HOXD12: variants seen among roughly 807,000 people sequenced by gnomAD.
HOXD12 encodes homeobox D12.
In HOXD12, 21 loss-of-function variants were observed where a neutral mutation model predicts 20.2. The ratio of observed to expected loss-of-function variants is 1.04; its 90% confidence interval spans 0.74 to 1.50. HOXD12 has a LOEUF of 1.50. Among genes scored for constraint, HOXD12 ranks in the 40% most tolerant of loss-of-function variants. The pLI is 0.00. For missense variants in HOXD12, 472 were observed against 365.5 expected (o/e 1.29, Z -2.38); for synonymous variants, 196 against 168.8 (o/e 1.16, Z -1.25).
At position 176,100,349 on chromosome 2, in the gene HOXD12, C is replaced by G. The variant is rs548576948; in HGVS notation, c.548C>G (p.Ser183Cys). Residue 183 changes from serine (S) to cysteine (C), a missense_variant, in exon 1 of 2, where the codon TCT (serine) becomes TGT (cysteine). By Grantham distance (112) the Ser-to-Cys change is moderately radical (BLOSUM62 -1). Coordinates refer to ENST00000406506, the MANE Select transcript of HOXD12 (RefSeq NM_021193.4). ...ACAGTGCAGGCGGCGGGCGTTGCCT[C>G]TTGCCTGCGACCTTCACTGCCCGAC... ...NMTVQAAGVA[S>C]CLRPSLPDGL... 14 of 1,612,608 alleles carry G rather than the reference C, an allele frequency of 8.7e-6. No individual in the cohort carries two copies. Among genetic ancestry groups the G allele is most frequent in the African/African-American group, 1.3e-5 (1 of 75,072 alleles).
In HOXD12 at chr2:176,100,739, G is replaced by C; in HGVS notation, c.792G>C (p.Glu264Asp). 2 of 1,613,344 alleles carry C rather than the reference G, an allele frequency of 1.2e-6. No homozygotes were observed. The highest frequency in any genetic ancestry group is 1.7e-6 in the Non-Finnish European group (2 of 1,179,470). ...RMKKKRVVLR[E>D]QALALY ...AGAAGAAGCGCGTGGTGCTTCGGGA[G>C]CAGGCGCTGGCGCTCTACTAGCCGC... Residue 264 changes from glutamate to aspartate, a missense_variant, in exon 2 of 2, where the codon GAG becomes GAC. Physicochemically the swap from Glu to Asp is conservative, Grantham distance 45. Transcript: ENST00000406506.
Position 176,101,061 on chromosome 2 carries a change from A to T in HOXD12, c.*301A>T, listed in dbSNP as rs918119721. 6 of 485,300 alleles carry T rather than the reference A, an allele frequency of 1.2e-5. No homozygotes were observed. Among genetic ancestry groups the T allele is most frequent in the African/African-American group, 1.2e-4 (6 of 51,426 alleles). 30.1% of individuals were successfully genotyped at this position (485,300 alleles called of 1,614,324 possible). ...GCTGGGGCATTTGCACCCACCGCTC[A>T]TTCTTGCTCCCCGGTACCTGGATTT... On this transcript the variant is annotated 3_prime_UTR_variant, in exon 2 of 2. Coordinates refer to ENST00000406506, the MANE Select transcript of HOXD12 (RefSeq NM_021193.4).
rs1265105340 is a variant in HOXD12, at chr2:176,101,107, T to G, written c.*347T>G. 2.6e-6 allele frequency: 1 copy of G among 387,652 alleles called. No individual in the cohort carries two copies. Among genetic ancestry groups the G allele is most frequent in the Non-Finnish European group, 4.7e-6 (1 of 211,572 alleles). 24.0% of individuals were successfully genotyped at this position (387,652 alleles called of 1,614,324 possible). ...GATTTTTCTGTTTCCACCCAATTCG[T>G]TCTCCCTTTCCCCCTCTCTCCAGCC... is the stretch of plus-strand genomic sequence containing the variant. On this transcript the variant is annotated 3_prime_UTR_variant, in exon 2 of 2. Coordinates refer to ENST00000406506, the MANE Select transcript of HOXD12 (RefSeq NM_021193.4).
At position 176,100,148 on chromosome 2, in the gene HOXD12, G is replaced by C; in HGVS notation, c.347G>C (p.Arg116Pro). 1 of 1,611,506 alleles carries C rather than the reference G, an allele frequency of 6.2e-7. No individual in the cohort carries two copies. The highest frequency in any genetic ancestry group is 8.5e-7 in the Non-Finnish European group (1 of 1,179,642). Residue 116 changes from arginine to proline, a missense_variant, in exon 1 of 2, where the codon CGG (arginine) becomes CCG (proline). By Grantham distance (103) the Arg-to-Pro change is moderately radical (BLOSUM62 -2). Coordinates refer to ENST00000406506, the MANE Select transcript of HOXD12 (RefSeq NM_021193.4). ...GGGCCAGAGGAGCGCGGTCGTACCC[G>C]GCCGTCCTTCGCCCCCGAGTCTAGC... is the stretch of plus-strand genomic sequence containing the variant. ...AAGPEERGRT[R>P]PSFAPESSLA... is the part of the protein sequence containing the mutation.
At position 176,100,130 on chromosome 2, in the gene HOXD12, A is replaced by C. The variant is rs1390528586; in HGVS notation, c.329A>C (p.Glu110Ala). The C allele has an allele frequency of 4.3e-6, 7 of 1,610,618 alleles. No homozygotes were observed. The African/African-American group carries it at 9.3e-5, about 21-fold the overall frequency. ...GCGCCCGAAGCGGCCGCTGGGCCAG[A>C]GGAGCGCGGTCGTACCCGGCCGTCC... ...FYAPEAAAGP[E>A]ERGRTRPSFA... is the part of the protein sequence containing the mutation. Residue 110 changes from glutamate to alanine, a missense_variant, in exon 1 of 2, where the codon GAG (glutamate) becomes GCG (alanine). Physicochemically the swap from Glu to Ala is moderately radical, Grantham distance 107. Coordinates refer to ENST00000406506, the MANE Select transcript of HOXD12 (RefSeq NM_021193.4).
At position 176,100,711 on chromosome 2, in the gene HOXD12, T is replaced by A. The variant is rs918046041; in HGVS notation, c.764T>A (p.Met255Lys). 1.9e-6 allele frequency: 3 copies of A among 1,613,860 alleles called. No individual in the cohort carries two copies. Among genetic ancestry groups the A allele is most frequent in the African/African-American group, 2.7e-5 (2 of 74,942 alleles). Reference protein sequence around the residue: ...QVKIWFQNRRMKKKRVVLREQ... With the variant: ...QVKIWFQNRRKKKKRVVLREQ... ...AAAATCTGGTTCCAGAACAGGCGTA[T>A]GAAGAAGAAGCGCGTGGTGCTTCGG... The change falls in exon 2 of 2, where the codon ATG becomes AAG. Residue 255 changes from methionine to lysine, a missense_variant. By Grantham distance (95) the Met-to-Lys change is moderately conservative (BLOSUM62 -1). Transcript: ENST00000406506.
In HOXD12 at chr2:176,100,756, A is replaced by T; in HGVS notation, c.809A>T (p.Tyr270Phe). ...CTTCGGGAGCAGGCGCTGGCGCTCT[A>T]CTAGCCGCGCGCGTGGCCAGGGCCG... ...VVLREQALAL[Y>F] Residue 270 changes from tyrosine (Y) to phenylalanine (F), a missense_variant, in exon 2 of 2, where the codon TAC (tyrosine) becomes TTC (phenylalanine). Coordinates refer to ENST00000406506, the MANE Select transcript of HOXD12 (RefSeq NM_021193.4). 4.3e-6 allele frequency: 7 copies of T among 1,610,616 alleles called. No individual in the cohort carries two copies. The highest frequency in any genetic ancestry group is 5.9e-6 in the Non-Finnish European group (7 of 1,177,422).
chr2:176,100,923 G>T lies in HOXD12; in HGVS notation c.*163G>T, dbSNP rs1349586014. On this transcript the variant is annotated 3_prime_UTR_variant, in exon 2 of 2. Coordinates refer to ENST00000406506, the MANE Select transcript of HOXD12 (RefSeq NM_021193.4). ...CAGACCAGGCCAGTTGGGCCTCCTT[G>T]CTTTCCTCAGTCCCTGAGAAGCCCG... The T allele has an allele frequency of 9.8e-6, 6 of 614,898 alleles. No individual in the cohort carries two copies. The highest frequency in any genetic ancestry group is 1.7e-5 in the Non-Finnish European group (6 of 346,644). The allele number at this position is 614,898 out of a possible 1,614,324, so 38.1% of individuals were successfully genotyped here. A position where few individuals can be genotyped will look rare whatever the true frequency, so the allele number is the denominator to read the frequency against.
Position 176,100,737 on chromosome 2 carries a change from G to T in HOXD12, c.790G>T (p.Glu264Ter), listed in dbSNP as rs200302685. 278 of 1,613,566 alleles carry T rather than the reference G, an allele frequency of 1.7e-4. 5 individuals carry two copies. In the Middle Eastern group the frequency reaches 8.3e-3, roughly 48 times the overall value. Reference sequence around the variant, plus strand: ...GAAGAAGAAGCGCGTGGTGCTTCGGGAGCAGGCGCTGGCGCTCTACTAGCC... The same window carrying T: ...GAAGAAGAAGCGCGTGGTGCTTCGGTAGCAGGCGCTGGCGCTCTACTAGCC... Reference protein sequence around the residue: ...RMKKKRVVLREQALALY With the variant: ...RMKKKRVVLR Residue 264 changes from glutamate (E) to a stop codon, truncating the protein, a stop_gained, in exon 2 of 2, where the codon GAG becomes TAG. Transcript: ENST00000406506. LOFTEE classifies it high-confidence loss of function.
At position 176,102,119 on chromosome 2, in the gene HOXD12, A is replaced by G. The variant is rs1009015292; in HGVS notation, c.*1359A>G. On this transcript the variant is annotated 3_prime_UTR_variant, in exon 2 of 2. Transcript: ENST00000406506. ...TGTCCCGCCTTAATCTCAGTGAACC[A>G]AGCCTCCCCCTGCGAGCTCATTCCA... Among the ~76,000 whole-genome samples the G allele has an allele frequency of 6.6e-6, 1 of 151,924 alleles. No individual in the cohort carries two copies. The highest frequency in any genetic ancestry group is 1.5e-5 in the Non-Finnish European group (1 of 68,000).
Position 176,100,778 on chromosome 2 carries a change from G to C in HOXD12, c.*18G>C. ...TCTACTAGCCGCGCGCGTGGCCAGG[G>C]CCGGGTTGGATCTGCCCTTTTGGAC... is the stretch of plus-strand genomic sequence containing the variant. On this transcript the variant is annotated 3_prime_UTR_variant, in exon 2 of 2. Coordinates refer to ENST00000406506, the MANE Select transcript of HOXD12 (RefSeq NM_021193.4). 1.3e-6 allele frequency: 2 copies of C among 1,574,272 alleles called. No homozygotes were observed. Among genetic ancestry groups the C allele is most frequent in the Non-Finnish European group, 1.7e-6 (2 of 1,146,708 alleles).
Position 176,100,278 on chromosome 2 carries a change from C to A in HOXD12, c.477C>A (p.Ala159=), listed in dbSNP as rs1253309680. The A allele has an allele frequency of 1.2e-6, 2 of 1,612,616 alleles. No individual in the cohort carries two copies. The highest frequency in any genetic ancestry group is 3.3e-5 in the Admixed American group (2 of 60,024). The change falls in exon 1 of 2, where the codon GCC becomes GCA. Residue 159 remains alanine (A), a synonymous_variant. Transcript: ENST00000406506. ...STTLLQGAPC[A]PGFKDDTKGP... ...CCCTGCTCCAGGGGGCTCCCTGCGC[C>A]CCTGGCTTCAAGGACGACACCAAGG...
Position 176,099,981 on chromosome 2 carries a change from C to G in HOXD12, c.180C>G (p.Pro60=), listed in dbSNP as rs374059269. ...CCGCCACGCCCGCCTCCTGCGCCCC[C>G]GCGCAGCCTGCGGGCGCCACTGCCT... ...PWAATPASCA[P]AQPAGATAFG... Residue 60 remains proline (P), a synonymous_variant, in exon 1 of 2, where the codon CCC becomes CCG. Transcript: ENST00000406506. 1.9e-6 allele frequency: 3 copies of G among 1,587,296 alleles called. No individual in the cohort carries two copies. Among genetic ancestry groups the G allele is most frequent in the African/African-American group, 1.3e-5 (1 of 74,274 alleles).
Position 176,100,603 on chromosome 2 carries a change from ACG to A in HOXD12, c.657_658del (p.Asn219LysfsTer19), listed in dbSNP as rs1190624693. On this transcript the variant is annotated frameshift_variant, in exon 2 of 2. Coordinates refer to ENST00000406506, the MANE Select transcript of HOXD12 (RefSeq NM_021193.4). LOFTEE classifies it high-confidence loss of function. ...AAGCAGCAGATTGCGGAGTTGGAGA[ACG>A]AATTCCTCGTCAACGAATTCATCAA... 1 of 1,613,376 alleles carries A rather than the reference ACG, an allele frequency of 6.2e-7. No individual in the cohort carries two copies. Among genetic ancestry groups the A allele is most frequent in the South Asian group, 1.1e-5 (1 of 90,926 alleles).
rs1559111476 is a variant in HOXD12 at position 176,101,006 on chromosome 2, G to T, written c.*246G>T. 1.0e-5 allele frequency: 6 copies of T among 573,318 alleles called. No individual in the cohort carries two copies. The highest frequency in any genetic ancestry group is 6.2e-6 in the Non-Finnish European group (2 of 323,074). The allele number at this position is 573,318 out of a possible 1,614,324, so 35.5% of individuals were successfully genotyped here. A position where few individuals can be genotyped will look rare whatever the true frequency, so the allele number is the denominator to read the frequency against. ...GGCTGGCCTTAAGGCTTCCACGTTG[G>T]GGGACTGAGGCCAACTCTCCTTGCT... On this transcript the variant is annotated 3_prime_UTR_variant, in exon 2 of 2. Coordinates refer to ENST00000406506, the MANE Select transcript of HOXD12 (RefSeq NM_021193.4).
chr2:176,100,531 G>C lies in HOXD12; in HGVS notation c.584G>C (p.Trp195Ser), dbSNP rs746489417. ...TGGGGCTGTGTTGCAGGCCTGCCGT[G>C]GGGGGCGGCCCCGGGGAGGGCCCGC... is the stretch of plus-strand genomic sequence containing the variant. ...LRPSLPDGLP[W>S]GAAPGRARKK... Residue 195 changes from tryptophan to serine, a missense_variant, in exon 2 of 2, where the codon TGG becomes TCG. By Grantham distance (177) the Trp-to-Ser change is radical. Transcript: ENST00000406506. 1.9e-6 allele frequency: 3 copies of C among 1,603,494 alleles called. No individual in the cohort carries two copies. The highest frequency in any genetic ancestry group is 1.3e-5 in the African/African-American group (1 of 74,792).
Position 176,099,967 on chromosome 2 carries a change from G to T in HOXD12, c.166G>T (p.Ala56Ser), listed in dbSNP as rs992037978. The T allele has an allele frequency of 2.5e-6, 4 of 1,596,318 alleles. No individual in the cohort carries two copies. The African/African-American group carries it at 4.1e-5, about 16-fold the overall frequency. Residue 56 changes from alanine to serine, a missense_variant, in exon 1 of 2, where the codon GCC becomes TCC. Ala to Ser is a moderately conservative substitution (Grantham distance 99). Transcript: ENST00000406506. Reference protein sequence around the residue: ...RGALPWAATPASCAPAQPAGA... With the variant: ...RGALPWAATPSSCAPAQPAGA... ...CGCGCTGCCCTGGGCCGCCACGCCC[G>T]CCTCCTGCGCCCCCGCGCAGCCTGC...
In HOXD12 at chr2:176,102,124, T is replaced by TC. The variant is rs1422121659; in HGVS notation, c.*1369dup. On this transcript the variant is annotated 3_prime_UTR_variant, in exon 2 of 2. Coordinates refer to ENST00000406506, the MANE Select transcript of HOXD12 (RefSeq NM_021193.4). The stretch of plus-strand genomic sequence containing the variant: ...CGCCTTAATCTCAGTGAACCAAGCC[T>TC]CCCCCTGCGAGCTCATTCCACTATC... Among the ~76,000 whole-genome samples the TC allele has an allele frequency of 4.0e-5, 6 of 151,512 alleles. No individual in the cohort carries two copies. In the East Asian group the frequency reaches 9.7e-4, roughly 24 times the overall value.
chr2:176,100,231 C>T lies in HOXD12; in HGVS notation c.430C>T (p.Arg144Cys). ...CAAGTATGACTACGCTGGTGTGGGT[C>T]GTGCCACGCCGGGCTCCACGACCCT... ...AAKYDYAGVG[R>C]ATPGSTTLLQ... The change falls in exon 1 of 2, where the codon CGT becomes TGT. Residue 144 changes from arginine (R) to cysteine (C), a missense_variant. Transcript: ENST00000406506. The T allele has an allele frequency of 1.2e-6, 2 of 1,612,304 alleles. No homozygotes were observed. The highest frequency in any genetic ancestry group is 2.2e-5 in the East Asian group (1 of 44,860).
Sources: gnomAD v4.1 joint callset for allele counts (sites outside exome capture counted in the v4.1 genomes callset) on GRCh38, gnomAD v4.1.1 for gene constraint, MANE v1.5 for transcripts, NCBI Gene and HGNC (gene_info 2026-07-23, HGNC 2026-07-21) for gene names.